The following BLOC1S5 variants were observed in gnomAD, a reference collection of about 807,000 sequenced individuals.
BLOC1S5 encodes biogenesis of lysosomal organelles complex 1 subunit 5, also known as biogenesis of lysosome-related organelles complex 1 subunit 5.
Under a neutral mutation model 24.3 loss-of-function variants are expected in BLOC1S5, and 27 were observed. That is an observed-to-expected ratio of 1.11 (90% CI 0.82 to 1.53). The LOEUF (loss-of-function observed/expected upper bound fraction) is 1.53. BLOC1S5 is among the 40% of genes most tolerant of loss of function. BLOC1S5 has a pLI of 0.00. For synonymous variants in BLOC1S5, 84 were observed against 74.5 expected (o/e 1.13, Z -0.66); for missense variants, 239 against 229.4 (o/e 1.04, Z -0.27).
intron 4 of BLOC1S5, among the ~76,000 whole-genome samples, chr6:8,024,042 G>C: frequency 6.6e-6 from 1 of 151,944 alleles, no homozygotes; most frequent in Admixed American, 6.5e-5. Context: ...ACTTTAAGTT[G>C]GTTAATTTAT....
intron 4 of BLOC1S5, among the ~76,000 whole-genome samples, chr6:8,025,520 T>C (rs1044095217): frequency 1.3e-5 from 2 of 152,216 alleles, no homozygotes; most frequent in Non-Finnish European, 2.9e-5. Flanking sequence ...GTCAAGTCCT[T>C]TCAATTATCA....
In BLOC1S5 at chr6:8,045,842, G is replaced by A. The variant is rs142084501; in HGVS notation, c.196-4574C>T. 2.3e-3 allele frequency among the ~76,000 whole-genome samples: 345 copies of A among 152,246 alleles called. No homozygotes were observed. In the Middle Eastern group the frequency reaches 0.031, roughly 14 times the overall value. On this transcript the variant is annotated intron_variant, in intron 2 of 4. Coordinates refer to ENST00000397457, the MANE Select transcript of BLOC1S5 (RefSeq NM_201280.3). Reference sequence around the variant, plus strand: ...ATTGTATCTAGGAAGTAACTATCTCGCTTTTGATTTTGCAGGCTTACAGGT... The same window carrying A: ...ATTGTATCTAGGAAGTAACTATCTCACTTTTGATTTTGCAGGCTTACAGGT...
intron 4 of BLOC1S5, among the ~76,000 whole-genome samples, chr6:8,016,254 A>C (rs1762730063): frequency 6.6e-6 from 1 of 152,074 alleles, no homozygotes; most frequent in African/African-American, 2.4e-5. Context: ...TGAACCCAGA[A>C]GGCAGAGGTT....
intron 3 of BLOC1S5, among the ~76,000 whole-genome samples, chr6:8,029,371 C>T (rs960366752): frequency 6.6e-6 from 1 of 152,182 alleles, no homozygotes; most frequent in African/African-American, 2.4e-5. Flanking sequence ...TGGCACCAAG[C>T]ACATGGGAAA....
At position 8,027,385 on chromosome 6, in the gene BLOC1S5, A is replaced by C. The variant is rs1240459319; in HGVS notation, c.326-960T>G. 5 of 456,630 alleles carry C rather than the reference A, an allele frequency of 1.1e-5. No individual in the cohort carries two copies. The Admixed American group carries it at 1.2e-4, about 11-fold the overall frequency. The allele number at this position is 456,630 out of a possible 1,614,324, so 28.3% of individuals were successfully genotyped here. A position where few individuals can be genotyped will look rare whatever the true frequency, so the allele number is the denominator to read the frequency against. Reference sequence around the variant, plus strand: ...CTTGTTGGTCCTCCTATCTCTCAGCAACTTAGTTCCTCATCTGTAAAATGA... The same window carrying C: ...CTTGTTGGTCCTCCTATCTCTCAGCCACTTAGTTCCTCATCTGTAAAATGA... On this transcript the variant is annotated intron_variant, in intron 3 of 4. Transcript: ENST00000397457.
chr6:8,035,345 C>CCT (rs1554138582), intron 3 of BLOC1S5, among the ~76,000 whole-genome samples: 20,157 of 75,496 alleles, frequency 0.27, 1,757 homozygotes, highest in Middle Eastern at 0.42. Context: ...GAATAAAAAT[C>CCT]TTTTTTTTTT....
intron 1 of BLOC1S5, among the ~76,000 whole-genome samples, 176 bp from the exon 2 acceptor site, chr6:8,062,792 G>T (rs1757312871): frequency 6.6e-6 from 1 of 152,130 alleles, no homozygotes; most frequent in Non-Finnish European, 1.5e-5. Context: ...AACTACTTTT[G>T]AGAACAATCT....
intron 2 of BLOC1S5, among the ~76,000 whole-genome samples, chr6:8,055,287 C>A (rs1764269598): frequency 6.6e-6 from 1 of 152,094 alleles, no homozygotes; most frequent in Admixed American, 6.5e-5. Context: ...ATACAAAAAT[C>A]AGCCAGGTGT....
chr6:8,040,034 TGTGTTGTAG>T (rs1763624910), intron 3 of BLOC1S5, among the ~76,000 whole-genome samples: 1 of 152,166 alleles, frequency 6.6e-6, no homozygotes, highest in South Asian at 2.1e-4. Context: ...AGGAGGAGCC[TGTGTTGTAG>T]GAGGCAATCC....
intron 2 of BLOC1S5, chr6:8,054,322 C>T (rs781284274): frequency 2.2e-6 from 1 of 445,118 alleles, no homozygotes; most frequent in South Asian, 1.6e-5. Flanking sequence ...TCAGAACACA[C>T]AGCCACTGGA....
At chr6:8,022,154 A>T (rs1762934630) in intron 4 of BLOC1S5, among the ~76,000 whole-genome samples, 1 of 151,432 alleles carries the variant, frequency 6.6e-6, no homozygotes, top group African/African-American at 2.4e-5. Flanking sequence ...GTGATTTTCA[A>T]TGGGGGGCAG....
chr6:8,016,723 C>T lies in BLOC1S5; in HGVS notation c.385-895G>A, dbSNP rs562911583. ...CTCTACTAAAAATATAAAAATTAGC[C>T]GGTGTGGTGGCGTGCACCTGTGATC... On this transcript the variant is annotated intron_variant, in intron 4 of 4. Transcript: ENST00000397457. Among the ~76,000 whole-genome samples, 8 of 151,702 alleles carry T rather than the reference C, an allele frequency of 5.3e-5. No homozygotes were observed. The East Asian group carries it at 1.4e-3, about 26-fold the overall frequency.
At chr6:8,034,242 A>G (rs1763408773) in intron 3 of BLOC1S5, among the ~76,000 whole-genome samples, 1 of 152,240 alleles carries the variant, frequency 6.6e-6, no homozygotes, top group Non-Finnish European at 1.5e-5. Flanking sequence ...ATGTCCATCA[A>G]TGATAGACTG....
intron 3 of BLOC1S5, among the ~76,000 whole-genome samples, chr6:8,029,910 A>C (rs1380359742): frequency 3.9e-5 from 6 of 152,252 alleles, no homozygotes; most frequent in Non-Finnish European, 7.3e-5. Flanking sequence ...GAAACAAGAC[A>C]GAGGAGATGG....
chr6:8,049,733 A>C (rs887786125), intron 2 of BLOC1S5, among the ~76,000 whole-genome samples: 1 of 150,414 alleles, frequency 6.6e-6, no homozygotes, highest in Non-Finnish European at 1.5e-5. Context: ...TTTTTTTGAG[A>C]TAGGGTCTCA....
chr6:8,056,235 C>A (rs1764300899), intron 2 of BLOC1S5, among the ~76,000 whole-genome samples: 1 of 152,154 alleles, frequency 6.6e-6, no homozygotes, highest in African/African-American at 2.4e-5. Context: ...GACTAAAACA[C>A]CCATCAGGCT....
chr6:8,029,445 A>G (rs2113534882), intron 3 of BLOC1S5, among the ~76,000 whole-genome samples: 1 of 152,260 alleles, frequency 6.6e-6, no homozygotes, highest in African/African-American at 2.4e-5. Flanking sequence ...CTTCCCCATC[A>G]TCTTGGGCTC....
At chr6:8,032,469 A>C (rs1402661589) in intron 3 of BLOC1S5, among the ~76,000 whole-genome samples, 1 of 152,170 alleles carries the variant, frequency 6.6e-6, no homozygotes, top group Non-Finnish European at 1.5e-5. Context: ...AATTGATGGA[A>C]TGTATCTCAA....
intron 1 of BLOC1S5, among the ~76,000 whole-genome samples, chr6:8,062,954 T>C (rs1043661683): frequency 1.3e-4 from 19 of 151,948 alleles, no homozygotes; most frequent in African/African-American, 3.1e-4. Context: ...CAAAACACCT[T>C]AACCATACTC....
Sources: allele counts gnomAD v4.1 joint callset (sites outside exome capture counted in the v4.1 genomes callset), GRCh38; gene constraint gnomAD v4.1.1; transcripts MANE v1.5; gene names NCBI Gene and HGNC (gene_info 2026-07-23, HGNC 2026-07-21).